Variants in ZNF804B observed in about 807,000 individuals in gnomAD.
ZNF804B encodes the protein zinc finger protein 804B, also known as zinc finger 804B.
A neutral mutation model predicts 101.4 loss-of-function variants in ZNF804B; 80 were observed. The ratio of observed to expected loss-of-function variants is 0.79; its 90% CI spans 0.66 to 0.95. The LOEUF (loss-of-function observed/expected upper bound fraction) is 0.95, where lower values mean the gene tolerates loss of function less well. Among genes scored for constraint, ZNF804B ranks in the 40% least tolerant of loss-of-function variants. ZNF804B has a pLI of 0.00. For synonymous variants in ZNF804B, 622 were observed against 558.8 expected (o/e 1.11, Z -1.59); for missense variants, 1,673 against 1,561.9 (o/e 1.07, Z -1.20).
intron 1 of ZNF804B, among the ~76,000 whole-genome samples, chr7:88,863,599 A>G (rs1034737089): frequency 8.5e-5 from 13 of 152,344 alleles, no homozygotes; most frequent in African/African-American, 2.4e-4. Flanking sequence ...AATTTCACAC[A>G]TAGTTTCTGT....
intron 1 of ZNF804B, among the ~76,000 whole-genome samples, chr7:89,084,178 G>A (rs1583976706): frequency 6.6e-6 from 1 of 152,028 alleles, no homozygotes; most frequent in East Asian, 1.9e-4. Context: ...AATGCCCTGA[G>A]TTATGTGAGG....
intron 1 of ZNF804B, among the ~76,000 whole-genome samples, chr7:89,074,931 C>T (rs1386461933): frequency 1.3e-5 from 2 of 152,106 alleles, no homozygotes; most frequent in African/African-American, 4.8e-5. Flanking sequence ...TATGTTTTTG[C>T]AAAGAGACTG....
intron 1 of ZNF804B, among the ~76,000 whole-genome samples, chr7:89,151,862 G>A (rs966461192): frequency 1.3e-5 from 2 of 152,016 alleles, no homozygotes; most frequent in South Asian, 4.1e-4. Flanking sequence ...TCCTAGGCAG[G>A]AACTACTGTC....
Position 89,226,013 on chromosome 7 carries a change from A to T in ZNF804B, c.249+7718A>T, listed in dbSNP as rs183642017. Reference sequence around the variant, plus strand: ...GAAGAGAAAGGGATAGATTCTAAAAATTGTCAATGGATTACAAAATGTGAA... The same window carrying T: ...GAAGAGAAAGGGATAGATTCTAAAATTTGTCAATGGATTACAAAATGTGAA... On this transcript the variant is annotated intron_variant, in intron 2 of 3. Coordinates refer to ENST00000333190, the MANE Select transcript of ZNF804B (RefSeq NM_181646.5). Among the ~76,000 whole-genome samples the T allele has an allele frequency of 9.6e-4, 146 of 152,272 alleles. 1 individual carries two copies. Among genetic ancestry groups the T allele is most frequent in the African/African-American group, 3.4e-3 (141 of 41,584 alleles).
rs1789509654 is a variant in ZNF804B, at chr7:89,249,637, G to A, written c.249+31342G>A. On this transcript the variant is annotated intron_variant, in intron 2 of 3. Transcript: ENST00000333190. ...AAATCTCTGGGATGCAGCAAAAGCA[G>A]TATTAAGAGGGAAATTTACAGTGCT... Among the ~76,000 whole-genome samples, 4 of 152,112 alleles carry A rather than the reference G, an allele frequency of 2.6e-5. No individual in the cohort carries two copies. The South Asian group carries it at 8.3e-4, about 31-fold the overall frequency.
At chr7:89,028,853 C>A (rs1788787527) in intron 1 of ZNF804B, among the ~76,000 whole-genome samples, 1 of 152,064 alleles carries the variant, frequency 6.6e-6, no homozygotes, top group South Asian at 2.1e-4. Context: ...GTACCTGGAA[C>A]AATTTAAGTG....
chr7:89,325,419 G>A (rs1367646299), intron 2 of ZNF804B, among the ~76,000 whole-genome samples: 1 of 151,884 alleles, frequency 6.6e-6, no homozygotes, highest in Non-Finnish European at 1.5e-5. Context: ...AGAAGTGTAA[G>A]CACTTGTCTG....
chr7:89,272,057 T>A (rs1255107495), intron 2 of ZNF804B, among the ~76,000 whole-genome samples: 1 of 152,082 alleles, frequency 6.6e-6, no homozygotes, highest in Non-Finnish European at 1.5e-5. Flanking sequence ...TTTTAAATTA[T>A]TCTCATTTTT....
chr7:88,772,533 A>G (rs1210731209), intron 1 of ZNF804B, among the ~76,000 whole-genome samples: 1 of 152,212 alleles, frequency 6.6e-6, no homozygotes, highest in Admixed American at 6.5e-5. Flanking sequence ...CATAGTACAT[A>G]AGCATCCCTA....
At chr7:88,985,705 A>G (rs1225908791) in intron 1 of ZNF804B, among the ~76,000 whole-genome samples, 1 of 152,148 alleles carries the variant, frequency 6.6e-6, no homozygotes, top group African/African-American at 2.4e-5. Flanking sequence ...GTGAACCAAC[A>G]TACTTTGTAT....
intron 2 of ZNF804B, among the ~76,000 whole-genome samples, chr7:89,279,749 T>C (rs1299145075): frequency 6.6e-6 from 1 of 151,932 alleles, no homozygotes; most frequent in African/African-American, 2.4e-5. Context: ...CTGGATTCGG[T>C]TTGCCAGTAT....
intron 2 of ZNF804B, among the ~76,000 whole-genome samples, chr7:89,264,508 C>T (rs186961478): frequency 2.6e-5 from 4 of 152,232 alleles, no homozygotes; most frequent in East Asian, 3.9e-4. Flanking sequence ...TATTTGACTC[C>T]GGCCATTGCA....
intron 1 of ZNF804B, among the ~76,000 whole-genome samples, chr7:88,835,972 C>T (rs776011871): frequency 6.6e-6 from 1 of 152,004 alleles, no homozygotes; most frequent in South Asian, 2.1e-4. Flanking sequence ...CAAACATTCT[C>T]TGTAAAGGTA....
intron 1 of ZNF804B, among the ~76,000 whole-genome samples, chr7:88,841,125 C>T (rs1791286622): frequency 6.6e-6 from 1 of 152,108 alleles, no homozygotes; most frequent in Non-Finnish European, 1.5e-5. Flanking sequence ...TTTGGCCTGT[C>T]CAAAGAAAGA....
At chr7:88,848,314 A>G (rs939168719) in intron 1 of ZNF804B, among the ~76,000 whole-genome samples, 1 of 152,166 alleles carries the variant, frequency 6.6e-6, no homozygotes, top group Non-Finnish European at 1.5e-5. Flanking sequence ...CAGAAGGAGG[A>G]GCTGGGATGG....
At position 89,333,548 on chromosome 7, in the gene ZNF804B, A is replaced by G. The variant is rs1276314537; in HGVS notation, c.566A>G (p.His189Arg). The change falls in exon 4 of 4, where the codon CAC becomes CGC. Residue 189 changes from histidine (H) to arginine (R), a missense_variant. Physicochemically the swap from His to Arg is conservative, Grantham distance 29 (BLOSUM62 0). Transcript: ENST00000333190. ...DKQRSTMPNR[H>R]QLQSDRRCLF... ...CAGCGGTCCACCATGCCAAATCGAC[A>G]CCAATTACAATCAGACAGGCGTTGT... is the stretch of plus-strand genomic sequence containing the variant. 2 of 1,613,522 alleles carry G rather than the reference A, an allele frequency of 1.2e-6. No homozygotes were observed. The highest frequency in any genetic ancestry group is 1.7e-6 in the Non-Finnish European group (2 of 1,179,678).
chr7:89,146,278 A>C (rs931792936), intron 1 of ZNF804B, among the ~76,000 whole-genome samples: 12 of 152,112 alleles, frequency 7.9e-5, no homozygotes, highest in Admixed American at 2.0e-4. Context: ...ATGTACCCAT[A>C]AAACTACAGA....
chr7:89,080,279 T>G lies in ZNF804B; in HGVS notation c.109-137876T>G, dbSNP rs974724474. Among the ~76,000 whole-genome samples the G allele has an allele frequency of 2.1e-5, 3 of 142,880 alleles. No individual in the cohort carries two copies. In the East Asian group the frequency reaches 6.8e-4, roughly 32 times the overall value. The allele number at this position is 142,880 out of a possible 152,430, so 93.7% of individuals were successfully genotyped here. On this transcript the variant is annotated intron_variant, in intron 1 of 3. Transcript: ENST00000333190. ...AGAGAATGAGAAAAATCACATAGCT[T>G]CAGTCTCTTCACCTTAAAAAAAAAA...
chr7:89,116,682 T>C (rs192576834), intron 1 of ZNF804B, among the ~76,000 whole-genome samples: 1 of 152,324 alleles, frequency 6.6e-6, no homozygotes, highest in East Asian at 1.9e-4. Flanking sequence ...TATATACCCA[T>C]AGTCTTTACT....
Sources: allele counts gnomAD v4.1 joint callset (sites outside exome capture counted in the v4.1 genomes callset), GRCh38; gene constraint gnomAD v4.1.1; transcripts MANE v1.5; gene names NCBI Gene and HGNC (gene_info 2026-07-23, HGNC 2026-07-21).